Variants in PRICKLE1 observed in about 807,000 individuals in gnomAD.
The protein encoded by PRICKLE1 is prickle planar cell polarity protein 1, also known as prickle-like protein 1.
Under a neutral mutation model 70.2 loss-of-function variants are expected in PRICKLE1, and 14 were observed. The ratio of observed to expected loss-of-function variants is 0.20; its 90% CI spans 0.13 to 0.31. The LOEUF (loss-of-function observed/expected upper bound fraction) is 0.31, where lower values mean the gene tolerates loss of function less well. Ranked by LOEUF, PRICKLE1 falls within the 10% of genes least tolerant of loss-of-function variation. The pLI, the probability that PRICKLE1 is intolerant of heterozygous loss-of-function variation, is 1.00. For synonymous variants in PRICKLE1, 357 were observed against 379.9 expected (o/e 0.94, Z 0.70); for missense variants, 821 against 1,026.2 (o/e 0.80, Z 2.73).
At chr12:42,535,702 T>C (rs973686364) in intron 1 of PRICKLE1, among the ~76,000 whole-genome samples, 7 of 152,290 alleles carry the variant, frequency 4.6e-5, no homozygotes, top group African/African-American at 1.4e-4. Context: ...GAGGATTGCT[T>C]GAGCCCAATA....
At chr12:42,478,774 T>C (rs1487511183) in intron 1 of PRICKLE1, among the ~76,000 whole-genome samples, 2 of 151,832 alleles carry the variant, frequency 1.3e-5, no homozygotes, top group African/African-American at 4.8e-5. Flanking sequence ...GGCTATTCCA[T>C]GCAATAGAAA....
At chr12:42,540,649 G>A (rs1241158315) in intron 1 of PRICKLE1, among the ~76,000 whole-genome samples, 8 of 151,978 alleles carry the variant, frequency 5.3e-5, no homozygotes, top group Non-Finnish European at 1.0e-4. Context: ...TGTAACCTCC[G>A]CCTCCCGGGT....
At position 42,459,685 on chromosome 12, in the gene PRICKLE1, T is replaced by A. The variant is rs1216051756; in HGVS notation, c.*124A>T. The A allele has an allele frequency of 1.8e-6, 2 of 1,117,950 alleles. No individual in the cohort carries two copies. Among genetic ancestry groups the A allele is most frequent in the Admixed American group, 3.7e-5 (2 of 54,220 alleles). The allele number at this position is 1,117,950 out of a possible 1,614,324, so 69.3% of individuals were successfully genotyped here. On this transcript the variant is annotated 3_prime_UTR_variant, in exon 8 of 8. Coordinates refer to ENST00000345127, the MANE Select transcript of PRICKLE1 (RefSeq NM_153026.3). ...TCTGACACTGTAAACAGCAGTTGAGTTCTCATTTACATGGGCAAAGAAAGC... is the reference window on the plus strand; with the variant it reads ...TCTGACACTGTAAACAGCAGTTGAGATCTCATTTACATGGGCAAAGAAAGC...
chr12:42,486,383 T>C lies in PRICKLE1; in HGVS notation c.-48-13819A>G, dbSNP rs535529585. On this transcript the variant is annotated intron_variant, in intron 1 of 7. Transcript: ENST00000345127. ...CCTGGCACATAGCAGACAAATTTAA[T>C]AAACATGAGTTAAGTGAATGAATGA... is the stretch of plus-strand genomic sequence containing the variant. Among the ~76,000 whole-genome samples, 8 of 152,346 alleles carry C rather than the reference T, an allele frequency of 5.3e-5. No individual in the cohort carries two copies. In the South Asian group the frequency reaches 1.7e-3, roughly 32 times the overall value.
At chr12:42,559,695 C>G (rs575341850) in intron 1 of PRICKLE1, among the ~76,000 whole-genome samples, 1 of 148,664 alleles carries the variant, frequency 6.7e-6, no homozygotes, top group South Asian at 2.1e-4. Flanking sequence ...AACTCCTGGG[C>G]TCAAGCAAAC....
intron 1 of PRICKLE1, among the ~76,000 whole-genome samples, chr12:42,587,129 T>A (rs1940998626): frequency 6.6e-6 from 1 of 152,228 alleles, no homozygotes; most frequent in African/African-American, 2.4e-5. Context: ...CTGGTGTTAC[T>A]GGCAGAACTG....
chr12:42,497,570 G>A (rs1939229565), intron 1 of PRICKLE1, among the ~76,000 whole-genome samples: 2 of 144,300 alleles, frequency 1.4e-5, no homozygotes, highest in Non-Finnish European at 3.1e-5. Flanking sequence ...AAAAAAATTC[G>A]ATTAAATTTG....
chr12:42,482,135 T>C (rs887933895), intron 1 of PRICKLE1, among the ~76,000 whole-genome samples: 7 of 152,230 alleles, frequency 4.6e-5, no homozygotes, highest in African/African-American at 1.7e-4. Context: ...AACAGCTGAG[T>C]GGGCTATCAC....
chr12:42,540,716 C>G (rs1434851235), intron 1 of PRICKLE1, among the ~76,000 whole-genome samples: 1 of 152,138 alleles, frequency 6.6e-6, no homozygotes, highest in African/African-American at 2.4e-5. Context: ...GTATGCACCA[C>G]CACGCTGGCT....
intron 1 of PRICKLE1, among the ~76,000 whole-genome samples, chr12:42,583,853 C>T (rs908666913): frequency 2.6e-5 from 4 of 152,164 alleles, no homozygotes; most frequent in African/African-American, 9.7e-5. Context: ...TAGCACCTCA[C>T]CTCTTGGATA....
chr12:42,572,921 C>A (rs1450653914), intron 1 of PRICKLE1, among the ~76,000 whole-genome samples: 1 of 152,170 alleles, frequency 6.6e-6, no homozygotes, highest in Non-Finnish European at 1.5e-5. Flanking sequence ...CAAAATCTTA[C>A]ATAGAGTTAG....
intron 1 of PRICKLE1, among the ~76,000 whole-genome samples, chr12:42,575,331 A>T (rs2120770932): frequency 6.6e-6 from 1 of 152,300 alleles, no homozygotes; most frequent in Non-Finnish European, 1.5e-5. Context: ...GTTATTTCTG[A>T]TTTAAACTGA....
At position 42,459,755 on chromosome 12, in the gene PRICKLE1, G is replaced by T; in HGVS notation, c.*54C>A. The T allele has an allele frequency of 1.9e-6, 3 of 1,605,788 alleles. No individual in the cohort carries two copies. Among genetic ancestry groups the T allele is most frequent in the South Asian group, 2.2e-5 (2 of 90,474 alleles). On this transcript the variant is annotated 3_prime_UTR_variant, in exon 8 of 8. Transcript: ENST00000345127. ...ACTTTCCTACGGAAGAAAAGGAAAC[G>T]ATTCAGACGGTTAATGGCTAAGTTT...
At chr12:42,521,673 C>A (rs1423542275) in intron 1 of PRICKLE1, among the ~76,000 whole-genome samples, 1 of 151,784 alleles carries the variant, frequency 6.6e-6, no homozygotes, top group Non-Finnish European at 1.5e-5. Flanking sequence ...TGCACTCCAG[C>A]TTGGGTGACA....
chr12:42,495,913 T>TCAAA (rs1415542492), intron 1 of PRICKLE1, among the ~76,000 whole-genome samples: 1 of 152,202 alleles, frequency 6.6e-6, no homozygotes, highest in Non-Finnish European at 1.5e-5. Context: ...CTTGAACTGC[T>TCAAA]CAAAGTCTTC....
intron 1 of PRICKLE1, among the ~76,000 whole-genome samples, chr12:42,498,240 A>C (rs1163313772): frequency 5.4e-5 from 8 of 149,048 alleles, no homozygotes; most frequent in East Asian, 2.0e-4. Flanking sequence ...TGGTGCGATC[A>C]TGGCTCACTG....
intron 1 of PRICKLE1, among the ~76,000 whole-genome samples, chr12:42,563,996 C>T (rs184495701): frequency 2.6e-5 from 4 of 151,816 alleles, no homozygotes; most frequent in Admixed American, 6.6e-5. Context: ...CAGTGGTTCA[C>T]GCTTGTAACC....
At chr12:42,579,723 G>C (rs1415882634) in intron 1 of PRICKLE1, among the ~76,000 whole-genome samples, 1 of 152,100 alleles carries the variant, frequency 6.6e-6, no homozygotes, top group Non-Finnish European at 1.5e-5. Context: ...CCAGGTTTCA[G>C]AATAGTGAGT....
intron 1 of PRICKLE1, among the ~76,000 whole-genome samples, chr12:42,558,578 AC>A (rs1940451341): frequency 6.6e-6 from 1 of 152,250 alleles, no homozygotes; most frequent in African/African-American, 2.4e-5. Context: ...AGCTGGCTTT[AC>A]CATGGGCCAG....
Sources: allele counts gnomAD v4.1 joint callset (sites outside exome capture counted in the v4.1 genomes callset), GRCh38; gene constraint gnomAD v4.1.1; transcripts MANE v1.5; gene names NCBI Gene and HGNC (gene_info 2026-07-23, HGNC 2026-07-21).